The following KCNN2 variants were observed in gnomAD, a reference collection of about 807,000 sequenced individuals.
KCNN2 encodes small conductance calcium-activated potassium channel protein 2.
KCNN2 carries 24 observed loss-of-function variants against 55.5 expected under a neutral mutation model. The observed-to-expected ratio is 0.43, with a 90% CI of 0.31 to 0.61. The LOEUF is 0.61. KCNN2 is among the 20% of genes least tolerant of loss of function. The probability of loss-of-function intolerance (pLI) is 0.08; values close to 1 mark genes in which losing one functional copy is unlikely to be tolerated. For missense variants in KCNN2, 754 were observed against 853.6 expected, an observed-to-expected ratio of 0.88 and a Z score of 1.45; for synonymous variants, 431 against 336.1, an observed-to-expected ratio of 1.28 and a Z score of -3.09.
At chr5:114,067,909 A>G (rs549284576) in intron 1 of KCNN2, among the ~76,000 whole-genome samples, 1 of 152,352 alleles carries the variant, frequency 6.6e-6, no homozygotes, top group South Asian at 2.1e-4. Context: ...CATTAATCAG[A>G]CATATTATAT....
At chr5:114,110,089 G>A (rs554652155) in intron 1 of KCNN2, among the ~76,000 whole-genome samples, 84 of 152,174 alleles carry the variant, frequency 5.5e-4, no homozygotes, top group Middle Eastern at 3.4e-3. Flanking sequence ...AATGGATGCA[G>A]CCCTCACTAA....
intron 2 of KCNN2, among the ~76,000 whole-genome samples, chr5:114,251,768 ATTC>A (rs1381569954): frequency 6.6e-6 from 1 of 150,590 alleles, no homozygotes; most frequent in Non-Finnish European, 1.5e-5. Flanking sequence ...GATTCTTTTA[ATTC>A]TTCTGGACCC....
chr5:114,269,025 C>G (rs1319293683), intron 2 of KCNN2, among the ~76,000 whole-genome samples: 1 of 151,868 alleles, frequency 6.6e-6, no homozygotes, highest in African/African-American at 2.4e-5. Context: ...AAATCATGAG[C>G]TCATCCATAA....
intron 1 of KCNN2, among the ~76,000 whole-genome samples, chr5:114,203,768 C>G (rs1177195978): frequency 6.6e-6 from 1 of 152,198 alleles, no homozygotes; most frequent in Non-Finnish European, 1.5e-5. Context: ...ACTCAGACTT[C>G]AAGGAAGAAG....
In KCNN2 at chr5:114,152,161, T is replaced by A. The variant is rs754710501; in HGVS notation, c.-270-69319T>A. On this transcript the variant is annotated intron_variant, in intron 1 of 10. Coordinates refer to the KCNN2 transcript ENST00000512097. Reference sequence around the variant, plus strand: ...TCTCATTATAGTTCCAATTACCATTTTTTTTTGCTACATTAATTTAGATTC... The same window carrying A: ...TCTCATTATAGTTCCAATTACCATTATTTTTTGCTACATTAATTTAGATTC... Among the ~76,000 whole-genome samples the A allele has an allele frequency of 3.9e-5, 6 of 152,294 alleles. No homozygotes were observed. The South Asian group carries it at 1.2e-3, about 32-fold the overall frequency.
At chr5:114,346,287 C>T (rs1253008748) in intron 2 of KCNN2, among the ~76,000 whole-genome samples, 1 of 152,170 alleles carries the variant, frequency 6.6e-6, no homozygotes, top group African/African-American at 2.4e-5. Flanking sequence ...ACACCTCCCA[C>T]CAGGCCCCAC....
chr5:114,466,790 A>G (rs901644450), intron 4 of KCNN2, among the ~76,000 whole-genome samples: 1 of 152,160 alleles, frequency 6.6e-6, no homozygotes, highest in Non-Finnish European at 1.5e-5. Context: ...ATAGTGATTT[A>G]TAAACCACTA....
chr5:114,371,902 G>A (rs1035013956), intron 2 of KCNN2, among the ~76,000 whole-genome samples: 4 of 152,058 alleles, frequency 2.6e-5, no homozygotes, highest in Non-Finnish European at 4.4e-5. Context: ...ATATTATGCC[G>A]ACTCTTATTA....
intron 2 of KCNN2, among the ~76,000 whole-genome samples, chr5:114,392,819 T>C (rs1758490365): frequency 1.4e-5 from 2 of 147,192 alleles, no homozygotes; most frequent in South Asian, 2.1e-4. Flanking sequence ...TTTTTTTTTT[T>C]CCTTCACTTT....
chr5:114,321,427 G>A (rs1296227183), intron 2 of KCNN2, among the ~76,000 whole-genome samples: 1 of 152,146 alleles, frequency 6.6e-6, no homozygotes, highest in East Asian at 1.9e-4. Flanking sequence ...CAGGTTGGGG[G>A]TTGAAGGATA....
At chr5:114,255,181 A>G (rs917845192) in intron 2 of KCNN2, among the ~76,000 whole-genome samples, 9 of 152,178 alleles carry the variant, frequency 5.9e-5, no homozygotes, top group African/African-American at 1.9e-4. Flanking sequence ...AAAATGCCAG[A>G]TGTCTTCCCT....
chr5:114,292,209 G>A (rs932611327), intron 2 of KCNN2, among the ~76,000 whole-genome samples: 2 of 152,178 alleles, frequency 1.3e-5, no homozygotes, highest in African/African-American at 4.8e-5. Flanking sequence ...GATCCCATTT[G>A]TCAATTTTGG....
intron 1 of KCNN2, among the ~76,000 whole-genome samples, chr5:114,090,597 A>G (rs1363519699): frequency 1.3e-5 from 2 of 151,224 alleles, no homozygotes; most frequent in Non-Finnish European, 2.9e-5. Context: ...ACATATATAT[A>G]CCACATATAT....
intron 1 of KCNN2, among the ~76,000 whole-genome samples, chr5:114,112,969 C>T (rs567473828): frequency 6.6e-6 from 1 of 151,960 alleles, no homozygotes; most frequent in East Asian, 1.9e-4. Context: ...AATCAAATAG[C>T]CAGAGTCTGA....
At chr5:114,375,925 T>A (rs1329169488) in intron 2 of KCNN2, among the ~76,000 whole-genome samples, 1 of 130,980 alleles carries the variant, frequency 7.6e-6, no homozygotes, top group Non-Finnish European at 1.6e-5. Flanking sequence ...GTGGAGTTTT[T>A]AAATCATTTA....
intron 2 of KCNN2, among the ~76,000 whole-genome samples, chr5:114,390,842 G>A (rs715730): frequency 0.086 from 13,096 of 152,194 alleles, 883 homozygotes; most frequent in African/African-American, 0.19. Flanking sequence ...ATGTGAATGT[G>A]AACATAATTG....
intron 1 of KCNN2, among the ~76,000 whole-genome samples, chr5:114,133,458 G>A (rs1752110239): frequency 2.0e-5 from 3 of 152,048 alleles, no homozygotes; most frequent in Admixed American, 2.0e-4. Flanking sequence ...CTTTGTTTGG[G>A]GAACAAAAAG....
chr5:114,211,049 G>A (rs1753871125), intron 1 of KCNN2, among the ~76,000 whole-genome samples: 1 of 151,916 alleles, frequency 6.6e-6, no homozygotes, highest in Non-Finnish European at 1.5e-5. Flanking sequence ...TTATTAAAAA[G>A]TTAAAAAAAA....
At chr5:114,107,437 T>C (rs1751510956) in intron 1 of KCNN2, among the ~76,000 whole-genome samples, 1 of 152,066 alleles carries the variant, frequency 6.6e-6, no homozygotes, top group Admixed American at 6.6e-5. Flanking sequence ...CAGGCTGGAG[T>C]GCAATGGCAC....
Sources: allele counts gnomAD v4.1 joint callset (sites outside exome capture counted in the v4.1 genomes callset), GRCh38; gene constraint gnomAD v4.1.1; transcripts MANE v1.5; gene names NCBI Gene and HGNC (gene_info 2026-07-23, HGNC 2026-07-21).